The following CRB1 variants were observed in gnomAD, a reference collection of about 807,000 sequenced individuals.
CRB1 encodes protein crumbs homolog 1.
A neutral mutation model predicts 120.0 loss-of-function variants in CRB1; 83 were observed. That is an observed-to-expected ratio of 0.69 (90% CI 0.58 to 0.83). The LOEUF is 0.83. CRB1 is among the 40% of genes least tolerant of loss of function. The probability of loss-of-function intolerance (pLI) is 0.00; values close to 1 mark genes in which losing one functional copy is unlikely to be tolerated. For missense variants in CRB1, 1,699 were observed against 1,687.6 expected, an observed-to-expected ratio of 1.01 and a Z score of -0.12; for synonymous variants, 625 against 612.5, an observed-to-expected ratio of 1.02 and a Z score of -0.30.
chr1:197,312,082 T>C (rs1417772900), intron 1 of CRB1, among the ~76,000 whole-genome samples: 1 of 152,158 alleles, frequency 6.6e-6, no homozygotes, highest in Non-Finnish European at 1.5e-5. Flanking sequence ...AACTTAGGCA[T>C]GTTGCTCCAG....
intron 4 of CRB1, among the ~76,000 whole-genome samples, chr1:197,350,370 G>A (rs2125338562): frequency 6.6e-6 from 1 of 152,278 alleles, no homozygotes; most frequent in South Asian, 2.1e-4. Context: ...ATAGAGCCTT[G>A]CACATATTAA....
intron 1 of CRB1, among the ~76,000 whole-genome samples, chr1:197,307,309 A>C (rs926657058): frequency 6.6e-6 from 1 of 152,204 alleles, no homozygotes; most frequent in Non-Finnish European, 1.5e-5. Context: ...ACTGCAAATG[A>C]GGATGTTAAA....
chr1:197,288,279 G>T (rs1001709061), intron 1 of CRB1, among the ~76,000 whole-genome samples: 1 of 151,844 alleles, frequency 6.6e-6, no homozygotes, highest in Non-Finnish European at 1.5e-5. Flanking sequence ...GCCAAGAATT[G>T]TACCTGTGCC....
At chr1:197,356,718 G>C (rs1174421433) in intron 4 of CRB1, 113 bp from the exon 5 acceptor site, 2 of 1,016,436 alleles carry the variant, frequency 2.0e-6, no homozygotes, top group Non-Finnish European at 3.0e-6. Context: ...CTTGAGGGCA[G>C]GCACATCAAC....
chr1:197,404,467 A>G (rs1304739181), intron 5 of CRB1, among the ~76,000 whole-genome samples: 6 of 147,564 alleles, frequency 4.1e-5, no homozygotes, highest in African/African-American at 1.5e-4. Flanking sequence ...AAAAAAAAAA[A>G]AAGTAGTGGA....
At chr1:197,418,055 G>A (rs1293292023) in intron 5 of CRB1, among the ~76,000 whole-genome samples, 2 of 151,880 alleles carry the variant, frequency 1.3e-5, no homozygotes, top group African/African-American at 4.8e-5. Context: ...GACTTATCTA[G>A]AGGCAATGAA....
chr1:197,232,336 A>C, the CRB1 span, among the ~76,000 whole-genome samples: 10 of 152,312 alleles, frequency 6.6e-5, no homozygotes, highest in African/African-American at 2.2e-4. Flanking sequence ...AAATCAATAC[A>C]CTTAAAGAAC....
chr1:197,293,083 A>T (rs1464422647), intron 1 of CRB1, among the ~76,000 whole-genome samples: 2 of 152,174 alleles, frequency 1.3e-5, no homozygotes, highest in African/African-American at 2.4e-5. Context: ...AGGAGAAAGA[A>T]ATAAATGGTA....
chr1:197,346,028 C>T (rs577590019), intron 3 of CRB1, among the ~76,000 whole-genome samples: 1 of 152,208 alleles, frequency 6.6e-6, no homozygotes, highest in African/African-American at 2.4e-5. Context: ...CTTACCCTTC[C>T]ATACTTCACT....
chr1:197,454,570 A>G (rs963536065), intron 11 of CRB1, among the ~76,000 whole-genome samples: 1 of 152,152 alleles, frequency 6.6e-6, no homozygotes, highest in Non-Finnish European at 1.5e-5. Flanking sequence ...AATAGAATGG[A>G]AACAGGCAAC....
chr1:197,475,245 C>T (rs779399553), intron 11 of CRB1, among the ~76,000 whole-genome samples: 5 of 152,128 alleles, frequency 3.3e-5, no homozygotes, highest in Admixed American at 1.3e-4. Flanking sequence ...ACCAGCTTTT[C>T]CCAGCCTGAC....
intron 5 of CRB1, among the ~76,000 whole-genome samples, chr1:197,409,809 G>C (rs1290669879): frequency 6.6e-6 from 1 of 151,966 alleles, no homozygotes; most frequent in African/African-American, 2.4e-5. Flanking sequence ...TTTTGAGACG[G>C]AGTCGTTCTG....
At chr1:197,319,825 T>C (rs766596467) in intron 1 of CRB1, among the ~76,000 whole-genome samples, 8 of 152,156 alleles carry the variant, frequency 5.3e-5, no homozygotes, top group Non-Finnish European at 1.0e-4. Flanking sequence ...ATAGCAATAA[T>C]CATGATGGGA....
intron 10 of CRB1, chr1:197,438,956 G>A: frequency 2.9e-6 from 1 of 347,924 alleles, no homozygotes; most frequent in Non-Finnish European, 5.5e-6. Flanking sequence ...CTGAATTCAT[G>A]TCTCTTTTTT....
At chr1:197,250,573 C>T in the CRB1 span, among the ~76,000 whole-genome samples, 1 of 151,902 alleles carries the variant, frequency 6.6e-6, no homozygotes, top group Non-Finnish European at 1.5e-5. Context: ...GGTTGATATA[C>T]GTTATACCAG....
chr1:197,455,838 T>C (rs914982043), intron 11 of CRB1, among the ~76,000 whole-genome samples: 1 of 152,128 alleles, frequency 6.6e-6, no homozygotes, highest in South Asian at 2.1e-4. Context: ...TATATTTTTC[T>C]CACAATTGTA....
At chr1:197,253,061 T>TC in the CRB1 span, among the ~76,000 whole-genome samples, 1 of 152,016 alleles carries the variant, frequency 6.6e-6, no homozygotes, top group Non-Finnish European at 1.5e-5. Flanking sequence ...CACATGAAAT[T>TC]AACCATCATA....
chr1:197,357,091 T>C, intron 5 of CRB1, 78 bp downstream of exon 5: 1 of 1,419,326 alleles, frequency 7.0e-7, no homozygotes, highest in East Asian at 2.3e-5. Flanking sequence ...AATGGTGTAT[T>C]AGCAGGAAGA....
At chr1:197,476,145 G>A (rs1234238402) in intron 11 of CRB1, among the ~76,000 whole-genome samples, 3 of 151,858 alleles carry the variant, frequency 2.0e-5, no homozygotes, top group Admixed American at 2.0e-4. Flanking sequence ...CCTGACCTCA[G>A]GTGATCTGCC....
Sources: gnomAD v4.1 joint callset for allele counts (sites outside exome capture counted in the v4.1 genomes callset) on GRCh38, gnomAD v4.1.1 for gene constraint, MANE v1.5 for transcripts, NCBI Gene and HGNC (gene_info 2026-07-23, HGNC 2026-07-21) for gene names.